Variants in CFAP157 observed in about 807,000 individuals in gnomAD.
CFAP157 encodes cilia and flagella associated protein 157.
A neutral mutation model predicts 57.8 loss-of-function variants in CFAP157; 43 were observed. The ratio of observed to expected loss-of-function variants is 0.74; its 90% CI spans 0.58 to 0.96. The LOEUF is 0.96. CFAP157 is among the 40% of genes least tolerant of loss of function. CFAP157 has a pLI of 0.00. For missense variants in CFAP157, 606 were observed against 655.3 expected, an observed-to-expected ratio of 0.92 and a Z score of 0.82; for synonymous variants, 267 against 269.0, an observed-to-expected ratio of 0.99 and a Z score of 0.07.
At position 127,709,143 on chromosome 9, in the gene CFAP157, C is replaced by T. The variant is rs1047960687; in HGVS notation, c.162-279C>T. On this transcript the variant is annotated intron_variant, in intron 1 of 8. Transcript: ENST00000373295. The surrounding 1 kb of genome is among the most constrained non-coding windows in gnomAD (Gnocchi z 4.7). ...CACTGCACACCTGCTATCTGCCAGG[C>T]ACAGGTGTTGGGGACATACTTGTAA... is the stretch of plus-strand genomic sequence containing the variant. Among the ~76,000 whole-genome samples the T allele has an allele frequency of 5.3e-5, 8 of 152,232 alleles. No homozygotes were observed. Among genetic ancestry groups the T allele is most frequent in the Non-Finnish European group, 1.2e-4 (8 of 68,046 alleles).
chr9:127,714,319 G>A lies in CFAP157; in HGVS notation c.*414G>A, dbSNP rs148037738. ...CCAGAGAGGCCCAGGAAGCTTTGGC[G>A]AGGTGCTGGGGGACCCCTGGCCCAC... On this transcript the variant is annotated 3_prime_UTR_variant, in exon 9 of 9. Transcript: ENST00000373295. 1,837 of 1,614,088 alleles carry A rather than the reference G, an allele frequency of 1.1e-3. 10 individuals are homozygous for A. The East Asian group carries it at 0.02, about 17-fold the overall frequency.
rs1588394426 is a variant in CFAP157, at chr9:127,712,238, G to A, written c.1026G>A (p.Gln342=). The A allele has an allele frequency of 6.2e-7, 1 of 1,614,096 alleles. No homozygotes were observed. The highest frequency in any genetic ancestry group is 8.5e-7 in the Non-Finnish European group (1 of 1,179,996). The change falls in exon 6 of 9, where the codon CAG becomes CAA. Residue 342 remains glutamine, a synonymous_variant. Transcript: ENST00000373295. The part of the protein sequence containing the change: ...RDQLSLQLEQ[Q]QVDLQRLQQE... ...AGCTGAGCCTGCAGCTGGAGCAGCA[G>A]CAGGTGGATTTGCAGCGGCTACAGC... is the stretch of plus-strand genomic sequence containing the variant.
chr9:127,710,394 T>C (rs963000725), intron 2 of CFAP157, among the ~76,000 whole-genome samples: 3 of 151,396 alleles, frequency 2.0e-5, no homozygotes, highest in African/African-American at 7.3e-5. Flanking sequence ...ATAAGATTCA[T>C]GGAGGGGTGG....
At position 127,712,362 on chromosome 9, in the gene CFAP157, G is replaced by A. The variant is rs762056948; in HGVS notation, c.1137+13G>A. 4.3e-6 allele frequency: 7 copies of A among 1,613,152 alleles called. No individual in the cohort carries two copies. In the African/African-American group the frequency reaches 6.7e-5, roughly 15 times the overall value. ...GAACATTCTGCAGGTGAGCAGAAGG[G>A]AGAGAGGGAGGGCGCAAGGGGAGGG... On this transcript the variant is annotated intron_variant, in intron 6 of 8. Coordinates refer to ENST00000373295, the MANE Select transcript of CFAP157 (RefSeq NM_001012502.3).
chr9:127,712,920 C>G (rs760135818), intron 7 of CFAP157, 45 bp downstream of exon 7: 2 of 1,592,046 alleles, frequency 1.3e-6, no homozygotes, highest in Non-Finnish European at 1.7e-6. Context: ...CCACAGAGAG[C>G]AGGGCAAAGG....
chr9:127,709,332 G>A lies in CFAP157; in HGVS notation c.162-90G>A, dbSNP rs1842710805. 5 of 1,378,956 alleles carry A rather than the reference G, an allele frequency of 3.6e-6. No homozygotes were observed. In the East Asian group the frequency reaches 7.4e-5, roughly 20 times the overall value. 85.4% of individuals were successfully genotyped at this position (1,378,956 alleles called of 1,614,324 possible). A position where few individuals can be genotyped will look rare whatever the true frequency, so the allele number is the denominator to read the frequency against. On this transcript the variant is annotated intron_variant, in intron 1 of 8. Coordinates refer to ENST00000373295, the MANE Select transcript of CFAP157 (RefSeq NM_001012502.3). This position sits in a 1 kb window ranked among gnomAD's most constrained non-coding sequence, Gnocchi z 4.7. ...AGGAAACTCAAATGCCCCTTTACGG[G>A]ACAGGGAGTCCAGGAGAGTGGGCCC... is the stretch of plus-strand genomic sequence containing the variant.
At position 127,715,206 on chromosome 9, in the gene CFAP157, A is replaced by G. The variant is rs559583326; in HGVS notation, c.*1301A>G. 2.8e-5 allele frequency: 42 copies of G among 1,526,804 alleles called. No individual in the cohort carries two copies. In the African/African-American group the frequency reaches 5.2e-4, roughly 19 times the overall value. The allele number at this position is 1,526,804 out of a possible 1,614,324, so 94.6% of individuals were successfully genotyped here. On this transcript the variant is annotated 3_prime_UTR_variant, in exon 9 of 9. Transcript: ENST00000373295. This position sits in a 1 kb window ranked among gnomAD's most constrained non-coding sequence, Gnocchi z 5.8. ...CCCAGGCCAGCCACCTGCGGGCGGC[A>G]CCAGGGAAACTGAGGCCCAACAACT... is the stretch of plus-strand genomic sequence containing the variant.
At chr9:127,710,246 G>A (rs1842731514) in intron 2 of CFAP157, among the ~76,000 whole-genome samples, 1 of 147,656 alleles carries the variant, frequency 6.8e-6, no homozygotes, top group Non-Finnish European at 1.5e-5. Flanking sequence ...CTGTGCCACT[G>A]CACTCCAGCC....
At position 127,715,108 on chromosome 9, in the gene CFAP157, A is replaced by G; in HGVS notation, c.*1203A>G. On this transcript the variant is annotated 3_prime_UTR_variant, in exon 9 of 9. Transcript: ENST00000373295. This position sits in a 1 kb window ranked among gnomAD's most constrained non-coding sequence, Gnocchi z 5.8. ...GGTCGCGCGTCCAACTCTCCGCCACACCCAGCCGCCGCGCCAGCTGCCCCA... is the reference window on the plus strand; with the variant it reads ...GGTCGCGCGTCCAACTCTCCGCCACGCCCAGCCGCCGCGCCAGCTGCCCCA... 1 of 1,533,552 alleles carries G rather than the reference A, an allele frequency of 6.5e-7. No homozygotes were observed. Among genetic ancestry groups the G allele is most frequent in the Non-Finnish European group, 8.7e-7 (1 of 1,145,848 alleles). The allele number at this position is 1,533,552 out of a possible 1,614,324, so 95.0% of individuals were successfully genotyped here.
Position 127,707,010 on chromosome 9 carries a change from G to A in CFAP157, c.-22G>A. On this transcript the variant is annotated 5_prime_UTR_variant, in exon 1 of 9. Transcript: ENST00000373295. Reference sequence around the variant, plus strand: ...ACCACCTGGCCTCTTCCTGGGGCCTGGAGCCCTGGTTGCCATCAGCCATGG... The same window carrying A: ...ACCACCTGGCCTCTTCCTGGGGCCTAGAGCCCTGGTTGCCATCAGCCATGG... The A allele has an allele frequency of 6.2e-7, 1 of 1,612,624 alleles. No homozygotes were observed. Among genetic ancestry groups the A allele is most frequent in the East Asian group, 2.2e-5 (1 of 44,850 alleles).
intron 5 of CFAP157, 69 bp from the exon 6 acceptor site, chr9:127,712,130 C>T: frequency 6.3e-7 from 1 of 1,582,244 alleles, no homozygotes; most frequent in Non-Finnish European, 8.6e-7. Context: ...ATGGCAGGGC[C>T]CCTGGCCCCA....
Position 127,713,991 on chromosome 9 carries a change from C to T in CFAP157, c.*86C>T. The T allele has an allele frequency of 6.3e-7, 1 of 1,577,558 alleles. No homozygotes were observed. Among genetic ancestry groups the T allele is most frequent in the Non-Finnish European group, 8.7e-7 (1 of 1,147,986 alleles). On this transcript the variant is annotated 3_prime_UTR_variant, in exon 9 of 9. Coordinates refer to ENST00000373295, the MANE Select transcript of CFAP157 (RefSeq NM_001012502.3). Reference sequence around the variant, plus strand: ...TAATCCGCAGGCAGCCTGGAACAGTCTAGAGGAGATTTGTATAAAAAGTAG... The same window carrying T: ...TAATCCGCAGGCAGCCTGGAACAGTTTAGAGGAGATTTGTATAAAAAGTAG...
intron 3 of CFAP157, 48 bp downstream of exon 3, chr9:127,710,802 G>A (rs1842748946): frequency 6.5e-7 from 1 of 1,544,988 alleles, no homozygotes; most frequent in East Asian, 2.4e-5. Context: ...TTCATCCCTG[G>A]GGCTACGAAC....
At position 127,714,194 on chromosome 9, in the gene CFAP157, T is replaced by C; in HGVS notation, c.*289T>C. On this transcript the variant is annotated 3_prime_UTR_variant, in exon 9 of 9. Coordinates refer to ENST00000373295, the MANE Select transcript of CFAP157 (RefSeq NM_001012502.3). The stretch of plus-strand genomic sequence containing the variant: ...CAGCAACAGAGGCAGCAGCTCCTGC[T>C]CAGCAGGGGAGAAGCAGCCCAGCAC... 6.2e-7 allele frequency: 1 copy of C among 1,613,850 alleles called. No individual in the cohort carries two copies.
At position 127,708,786 on chromosome 9, in the gene CFAP157, A is replaced by G. The variant is rs552128336; in HGVS notation, c.162-636A>G. 4.6e-5 allele frequency among the ~76,000 whole-genome samples: 7 copies of G among 152,356 alleles called. No individual in the cohort carries two copies. The East Asian group carries it at 1.4e-3, about 29-fold the overall frequency. On this transcript the variant is annotated intron_variant, in intron 1 of 8. Coordinates refer to ENST00000373295, the MANE Select transcript of CFAP157 (RefSeq NM_001012502.3). ...AGGAGCACCAAAGAGAGGGCCACAA[A>G]TGTGGCTCAGGGCCAAGAAGGGTCC...
rs887426526 is a variant in CFAP157 at position 127,707,307 on chromosome 9, A to C, written c.161+115A>C. 5.3e-6 allele frequency: 6 copies of C among 1,140,316 alleles called. No individual in the cohort carries two copies. In the African/African-American group the frequency reaches 7.7e-5, roughly 15 times the overall value. 70.6% of individuals were successfully genotyped at this position (1,140,316 alleles called of 1,614,324 possible). A position where few individuals can be genotyped will look rare whatever the true frequency, so the allele number is the denominator to read the frequency against. The stretch of plus-strand genomic sequence containing the variant: ...GGCCTGTGTTCTGACCTCCCCTGGG[A>C]TGTCCAGACCCCATCCCGACCCCAG... On this transcript the variant is annotated intron_variant, in intron 1 of 8. Coordinates refer to ENST00000373295, the MANE Select transcript of CFAP157 (RefSeq NM_001012502.3).
intron 4 of CFAP157, 111 bp from the exon 5 acceptor site, chr9:127,711,709 C>A (rs938376408): frequency 1.5e-6 from 2 of 1,296,224 alleles, no homozygotes; most frequent in Non-Finnish European, 2.1e-6. Context: ...CAGAGTCCAG[C>A]CCTGGAGAGC....
rs1475456570 is a variant in CFAP157 at position 127,712,290 on chromosome 9, C to A, written c.1078C>A (p.Arg360=). 2 of 1,614,020 alleles carry A rather than the reference C, an allele frequency of 1.2e-6. No homozygotes were observed. Among genetic ancestry groups the A allele is most frequent in the Non-Finnish European group, 1.7e-6 (2 of 1,179,994 alleles). The part of the protein sequence containing the change: ...QQELANEQKV[R]ASLEAALVQA... ...GGAACTGGCTAATGAGCAGAAGGTT[C>A]GGGCCAGCCTGGAGGCGGCTCTGGT... is the stretch of plus-strand genomic sequence containing the variant. Residue 360 remains arginine (R), a synonymous_variant, in exon 6 of 9, where the codon CGG becomes AGG. Transcript: ENST00000373295.
At chr9:127,707,496 C>T (rs569508639) in intron 1 of CFAP157, among the ~76,000 whole-genome samples, 3 of 152,248 alleles carry the variant, frequency 2.0e-5, no homozygotes, top group African/African-American at 4.8e-5. Flanking sequence ...CATGGGATCA[C>T]AGGCTTTATG....
Sources: gnomAD v4.1 joint callset for allele counts (sites outside exome capture counted in the v4.1 genomes callset) on GRCh38, gnomAD v4.1.1 for gene constraint, Gnocchi (gnomAD v3.1) non-coding constraint, MANE v1.5 for transcripts, NCBI Gene and HGNC (gene_info 2026-07-23, HGNC 2026-07-21) for gene names.